Variants in AGR3 observed in about 807,000 individuals in gnomAD.
AGR3 encodes the protein anterior gradient 3, protein disulphide isomerase family member, also known as anterior gradient protein 3.
Under a neutral mutation model 24.5 loss-of-function variants are expected in AGR3, and 37 were observed. The ratio of observed to expected loss-of-function variants is 1.51; its 90% CI spans 1.16 to 1.99. AGR3 has a LOEUF of 1.99. Ranked by LOEUF, AGR3 falls within the 30% of genes most tolerant of loss-of-function variation. The probability of loss-of-function intolerance (pLI) is 0.00; values close to 1 mark genes in which losing one functional copy is unlikely to be tolerated. For synonymous variants in AGR3, 75 were observed against 61.6 expected (o/e 1.22, Z -1.02); for missense variants, 228 against 191.1 (o/e 1.19, Z -1.14).
downstream of AGR3, among the ~76,000 whole-genome samples, chr7:16,857,077 A>ACC (rs1371266832): frequency 6.6e-6 from 1 of 151,924 alleles, no homozygotes; most frequent in African/African-American, 2.4e-5. Context: ...GCAGCCACAA[A>ACC]CCCTTGGGCT....
chr7:16,878,758 G>T, intron 1 of AGR3, 113 bp from the exon 2 acceptor site: 3 of 698,856 alleles, frequency 4.3e-6, no homozygotes, highest in South Asian at 2.0e-5. Flanking sequence ...CAGCTTTTTT[G>T]GTTTGACATG....
chr7:16,881,670 G>T (rs1690355117), intron 1 of AGR3, among the ~76,000 whole-genome samples: 1 of 152,116 alleles, frequency 6.6e-6, no homozygotes, highest in South Asian at 2.1e-4. Flanking sequence ...AGACTTAAAA[G>T]AATATAAAGA....
Position 16,877,862 on chromosome 7 carries a change from CAAA to C in AGR3, c.109+645_109+647del, listed in dbSNP as rs67623743. 1.6e-3 allele frequency among the ~76,000 whole-genome samples: 197 copies of C among 126,380 alleles called. 3 individuals carry two copies. Among genetic ancestry groups the C allele is most frequent in the East Asian group, 2.4e-3 (11 of 4,632 alleles). 82.9% of individuals were successfully genotyped at this position (126,380 alleles called of 152,430 possible). A position where few individuals can be genotyped will look rare whatever the true frequency, so the allele number is the denominator to read the frequency against. On this transcript the variant is annotated intron_variant, in intron 2 of 7. Coordinates refer to ENST00000310398, the MANE Select transcript of AGR3 (RefSeq NM_176813.5). ...TGGGTGACAGAGCAAGACTCCGTCT[CAAA>C]AAAAAAAAAAAAGAGAGAATTTTTT...
rs565837767 is a variant in AGR3 at position 16,869,906 on chromosome 7, A to G, written c.173+3874T>C. On this transcript the variant is annotated intron_variant, in intron 3 of 7. Transcript: ENST00000310398. ...ATTGCTCTCTTTTCAGAATGTTCCT[A>G]ACTATCCTAACTACTCATGTCTATT... Among the ~76,000 whole-genome samples the G allele has an allele frequency of 8.6e-4, 131 of 151,928 alleles. No homozygotes were observed. In the Middle Eastern group the frequency reaches 0.014, roughly 16 times the overall value.
chr7:16,861,568 C>G lies in AGR3; in HGVS notation c.304-121G>C, dbSNP rs186763105. 1.5e-4 allele frequency: 116 copies of G among 757,240 alleles called. No individual in the cohort carries two copies. In the African/African-American group the frequency reaches 1.7e-3, roughly 11 times the overall value. The allele number at this position is 757,240 out of a possible 1,614,324, so 46.9% of individuals were successfully genotyped here. ...GCCTTTTATAATTCCATACAACTTTCTGTATTAACCAATATTTAGCTCTTT... is the reference window on the plus strand; with the variant it reads ...GCCTTTTATAATTCCATACAACTTTGTGTATTAACCAATATTTAGCTCTTT... On this transcript the variant is annotated intron_variant, in intron 5 of 7. Coordinates refer to ENST00000310398, the MANE Select transcript of AGR3 (RefSeq NM_176813.5).
chr7:16,864,854 T>C, intron 3 of AGR3: 1 of 864,132 alleles, frequency 1.2e-6, no homozygotes, highest in Middle Eastern at 2.7e-4. Context: ...AAAGAGCGTG[T>C]ATTCCAGTCA....
At position 16,873,443 on chromosome 7, in the gene AGR3, G is replaced by T. The variant is rs1457735089; in HGVS notation, c.173+337C>A. ...ACTCTGGTTATTAGAAGCTGGGGAG[G>T]GTTCAGAGCTGGAAGGATAAGGAGA... On this transcript the variant is annotated intron_variant, in intron 3 of 7. Transcript: ENST00000310398. The T allele has an allele frequency of 2.2e-5, 4 of 182,562 alleles. No individual in the cohort carries two copies. In the South Asian group the frequency reaches 5.5e-4, roughly 25 times the overall value. The allele number at this position is 182,562 out of a possible 1,614,324, so 11.3% of individuals were successfully genotyped here.
intron 3 of AGR3, among the ~76,000 whole-genome samples, chr7:16,869,684 T>TC (rs1781828867): frequency 6.6e-6 from 1 of 151,396 alleles, no homozygotes; most frequent in African/African-American, 2.4e-5. Context: ...TTTTTTTTTT[T>TC]TTTTTTTTTT....
At chr7:16,876,668 A>G (rs985682581) in intron 2 of AGR3, among the ~76,000 whole-genome samples, 5 of 152,214 alleles carry the variant, frequency 3.3e-5, no homozygotes, top group African/African-American at 4.8e-5. Context: ...GCCAAATATA[A>G]ACCAATTCTC....
At chr7:16,859,044 C>A (rs1157795311), downstream of AGR3, among the ~76,000 whole-genome samples, 1 of 151,984 alleles carries the variant, frequency 6.6e-6, no homozygotes, top group Non-Finnish European at 1.5e-5. Context: ...ACATGGAGAT[C>A]ATTTATGACC....
intron 3 of AGR3, among the ~76,000 whole-genome samples, chr7:16,862,948 G>A (rs1156265268): frequency 1.3e-5 from 2 of 152,228 alleles, no homozygotes; most frequent in Non-Finnish European, 2.9e-5. Flanking sequence ...GTGTGAGCCT[G>A]TAGTCCCAGC....
At chr7:16,865,244 T>C in intron 3 of AGR3, 1 of 825,906 alleles carries the variant, frequency 1.2e-6, no homozygotes, top group Non-Finnish European at 2.0e-6. Flanking sequence ...ACATTCTTTT[T>C]TTCCTTGGCC....
In AGR3 at chr7:16,873,836, T is replaced by C; in HGVS notation, c.117A>G (p.Gly39=). The C allele has an allele frequency of 6.2e-7, 1 of 1,612,460 alleles. No homozygotes were observed. The highest frequency in any genetic ancestry group is 1.7e-4 in the Middle Eastern group (1 of 6,060). ...RPPQTLSRGW[G]DDITWVQTYE... ...AAGTTTGTACCCAAGTGATGTCATC[T>C]CCCCATCCTGAAATAGAAGAGAGAA... is the stretch of plus-strand genomic sequence containing the variant. Residue 39 remains glycine, a synonymous_variant, in exon 3 of 8, where the codon GGA becomes GGG. Transcript: ENST00000310398.
rs573814516 is a variant in AGR3, at chr7:16,879,239, A to C, written c.-27-594T>G. 9.4e-4 allele frequency among the ~76,000 whole-genome samples: 143 copies of C among 152,336 alleles called. 1 individual carries two copies. The highest frequency in any genetic ancestry group is 3.3e-3 in the African/African-American group (138 of 41,580). ...AGACTTTTGCCCTTCAGTTTATGAT[A>C]CAGCTCTTTATAAAAATCAAGTACT... is the stretch of plus-strand genomic sequence containing the variant. On this transcript the variant is annotated intron_variant, in intron 1 of 7. Coordinates refer to ENST00000310398, the MANE Select transcript of AGR3 (RefSeq NM_176813.5).
intron 7 of AGR3, 94 bp downstream of exon 7, chr7:16,860,406 T>A (rs566381383): frequency 1.3e-4 from 117 of 911,038 alleles, no homozygotes; most frequent in Non-Finnish European, 1.9e-4. Context: ...CAGTGACTGG[T>A]GTGTAGAAGC....
intron 3 of AGR3, chr7:16,865,308 C>T (rs1203826935): frequency 6.2e-6 from 7 of 1,121,834 alleles, no homozygotes; most frequent in African/African-American, 3.1e-5. Context: ...TATTGCACTT[C>T]TCATATCACC....
chr7:16,865,389 G>A (rs1781736883), intron 3 of AGR3: 1 of 1,029,910 alleles, frequency 9.7e-7, no homozygotes, highest in African/African-American at 1.6e-5. Flanking sequence ...ATTCTTGTTA[G>A]CCTCTATAGT....
chr7:16,867,067 A>G (rs564601260), intron 3 of AGR3, among the ~76,000 whole-genome samples: 4 of 152,288 alleles, frequency 2.6e-5, no homozygotes, highest in African/African-American at 9.6e-5. Context: ...TACCCCAGGT[A>G]TCTTTCTTGC....
At chr7:16,865,239 CT>C (rs1418337782) in intron 3 of AGR3, 1 of 810,282 alleles carries the variant, frequency 1.2e-6, no homozygotes, top group African/African-American at 1.7e-5. Context: ...TAAAGACATT[CT>C]TTTTTTCCTT....
Sources: allele counts gnomAD v4.1 joint callset (sites outside exome capture counted in the v4.1 genomes callset), GRCh38; gene constraint gnomAD v4.1.1; transcripts MANE v1.5; gene names NCBI Gene and HGNC (gene_info 2026-07-23, HGNC 2026-07-21).